RPL23: variants seen among roughly 807,000 people sequenced by gnomAD.
The protein encoded by RPL23 is ribosomal protein L23, also known as large ribosomal subunit protein uL14.
For missense variants in RPL23, 79 were observed against 178.8 expected, an observed-to-expected ratio of 0.44 and a Z score of 3.18; for synonymous variants, 63 against 65.3, an observed-to-expected ratio of 0.97 and a Z score of 0.17.
rs1912906539 is a variant in RPL23 at position 38,848,066 on chromosome 17, GAA to G, written c.*2064_*2065del. ...TGTGTGACAGAGCAAGACTGCCTCA[GAA>G]AAGATAACATTCAAAAACAGCAGCG... On this transcript the variant is annotated 3_prime_UTR_variant, in exon 5 of 5. Coordinates refer to ENST00000479035, the MANE Select transcript of RPL23 (RefSeq NM_000978.4). 1 of 1,534,304 alleles carries G rather than the reference GAA, an allele frequency of 6.5e-7. No homozygotes were observed. Among genetic ancestry groups the G allele is most frequent in the Non-Finnish European group, 8.8e-7 (1 of 1,141,648 alleles).
intron 3 of RPL23, 154 bp from the exon 4 acceptor site, chr17:38,850,629 CTAG>C (rs1309509677): frequency 1.6e-6 from 1 of 608,948 alleles, no homozygotes; most frequent in African/African-American, 1.9e-5. Context: ...CTCAGCCTCT[CTAG>C]TATCTTGGAC....
At chr17:38,850,287 A>G (rs773206444) in intron 4 of RPL23, 73 bp from the exon 5 acceptor site, 1 of 1,550,142 alleles carries the variant, frequency 6.5e-7, no homozygotes, top group Non-Finnish European at 8.9e-7. Flanking sequence ...CAAACACAGA[A>G]GATCCTTGGC....
chr17:38,849,781 T>G lies in RPL23; in HGVS notation c.*351A>C. 1 of 184,532 alleles carries G rather than the reference T, an allele frequency of 5.4e-6. No homozygotes were observed. The highest frequency in any genetic ancestry group is 1.1e-5 in the Non-Finnish European group (1 of 89,300). The allele number at this position is 184,532 out of a possible 1,614,324, so 11.4% of individuals were successfully genotyped here. ...TACAGCAATTGGAAGATGCTGAAAG[T>G]CTGCAAACTCACAAAAAAGCAAGGA... On this transcript the variant is annotated 3_prime_UTR_variant, in exon 5 of 5. Coordinates refer to ENST00000479035, the MANE Select transcript of RPL23 (RefSeq NM_000978.4).
At chr17:38,852,903 C>T (rs1913046082) in intron 2 of RPL23, 119 bp downstream of exon 2, 1 of 1,350,544 alleles carries the variant, frequency 7.4e-7, no homozygotes, top group Non-Finnish European at 1.1e-6. Flanking sequence ...CACATGTTGC[C>T]ACTTCACCCA....
At chr17:38,853,199 A>C (rs1913055415) in intron 1 of RPL23, 94 bp from the exon 2 acceptor site, 1 of 941,786 alleles carries the variant, frequency 1.1e-6, no homozygotes, top group Non-Finnish European at 1.7e-6. Context: ...AATTCACCGC[A>C]CATGCTTTGA....
At position 38,850,402 on chromosome 17, in the gene RPL23, A is replaced by G; in HGVS notation, c.300T>C (p.Asp100=). The change falls in exon 4 of 5, where the codon GAT becomes GAC. Residue 100 remains aspartate (D), a synonymous_variant. Transcript: ENST00000479035. ...TATTGTTCACTATGACTCCTGCATT[A>G]TCTTCAAAATAAAGAAACACGCCAT... The part of the protein sequence containing the change: ...RKDGVFLYFE[D]NAGVIVNNKG... 1.2e-6 allele frequency: 2 copies of G among 1,613,898 alleles called. No homozygotes were observed. Among genetic ancestry groups the G allele is most frequent in the Non-Finnish European group, 8.5e-7 (1 of 1,180,008 alleles).
intron 1 of RPL23, chr17:38,853,467 G>C (rs1223911879): frequency 2.8e-6 from 2 of 720,602 alleles, no homozygotes; most frequent in Admixed American, 2.0e-5. Flanking sequence ...TATTCGCGGA[G>C]CGATCTCGCG....
intron 3 of RPL23, 191 bp downstream of exon 3, chr17:38,852,413 A>T: frequency 1.6e-6 from 1 of 639,364 alleles, no homozygotes; most frequent in Non-Finnish European, 2.6e-6. Flanking sequence ...CAAAAAAACA[A>T]CTAAGGTATG....
In RPL23 at chr17:38,848,532, C is replaced by T. The variant is rs1239175; in HGVS notation, c.*1600G>A. On this transcript the variant is annotated 3_prime_UTR_variant, in exon 5 of 5. Transcript: ENST00000479035. ...ATAGGTGTGAGCCACCGTACCCAGG[C>T]GAGATTTAATACTTCTAAAACCAAG... 32,837 of 153,018 alleles carry T rather than the reference C, an allele frequency of 0.21. 4,011 individuals are homozygous for T. The highest frequency in any genetic ancestry group is 0.31 in the African/African-American group (12,796 of 41,480). The allele number at this position is 153,018 out of a possible 1,614,324, so 9.5% of individuals were successfully genotyped here.
At chr17:38,850,284 A>G in intron 4 of RPL23, 70 bp from the exon 5 acceptor site, 5 of 1,554,036 alleles carry the variant, frequency 3.2e-6, no homozygotes, top group Non-Finnish European at 4.4e-6. Context: ...CGTCAAACAC[A>G]GAAGATCCTT....
rs1226759214 is a variant in RPL23 at position 38,850,040 on chromosome 17, C to T, written c.*92G>A. 3.2e-6 allele frequency: 3 copies of T among 935,834 alleles called. No individual in the cohort carries two copies. Among genetic ancestry groups the T allele is most frequent in the Non-Finnish European group, 4.8e-6 (3 of 625,958 alleles). The allele number at this position is 935,834 out of a possible 1,614,324, so 58.0% of individuals were successfully genotyped here. On this transcript the variant is annotated 3_prime_UTR_variant, in exon 5 of 5. Transcript: ENST00000479035. The stretch of plus-strand genomic sequence containing the variant: ...GGCTGAGGCAGGAGAATCGCTTGAA[C>T]CCTGGAAGTGAACAGGGAGACAAGC...
In RPL23 at chr17:38,849,813, T is replaced by TAA; in HGVS notation, c.*317_*318dup. On this transcript the variant is annotated 3_prime_UTR_variant, in exon 5 of 5. Transcript: ENST00000479035. Reference sequence around the variant, plus strand: ...ACTCACAAAAAAGCAAGGATTGCTTTAAAAAAAAAATGCCCAGAGTTTCCA... The same window carrying TAA: ...ACTCACAAAAAAGCAAGGATTGCTTTAAAAAAAAAAAATGCCCAGAGTTTCCA... 4.8e-6 allele frequency: 1 copy of TAA among 207,118 alleles called. No individual in the cohort carries two copies. The highest frequency in any genetic ancestry group is 2.3e-5 in the African/African-American group (1 of 43,064). The allele number at this position is 207,118 out of a possible 1,614,324, so 12.8% of individuals were successfully genotyped here.
At chr17:38,853,271 C>G in intron 1 of RPL23, 166 bp from the exon 2 acceptor site, 1 of 660,572 alleles carries the variant, frequency 1.5e-6, no homozygotes, top group Non-Finnish European at 2.8e-6. Context: ...ATGTGCCACC[C>G]GATTCTCACG....
Position 38,848,877 on chromosome 17 carries a change from C to G in RPL23, c.*1255G>C, listed in dbSNP as rs1012613386. Reference sequence around the variant, plus strand: ...CAGATACATAAACACAAACCTTAATCTAAAAACCCTGTTTAGTCCACTTCC... The same window carrying G: ...CAGATACATAAACACAAACCTTAATGTAAAAACCCTGTTTAGTCCACTTCC... On this transcript the variant is annotated 3_prime_UTR_variant, in exon 5 of 5. Coordinates refer to ENST00000479035, the MANE Select transcript of RPL23 (RefSeq NM_000978.4). 1 of 152,136 alleles carries G rather than the reference C, an allele frequency of 6.6e-6. No homozygotes were observed. The highest frequency in any genetic ancestry group is 2.4e-5 in the African/African-American group (1 of 41,434). 9.4% of individuals were successfully genotyped at this position (152,136 alleles called of 1,614,324 possible). A position where few individuals can be genotyped will look rare whatever the true frequency, so the allele number is the denominator to read the frequency against.
At chr17:38,852,864 C>A (rs921609918) in intron 2 of RPL23, 132 bp from the exon 3 acceptor site, 1 of 1,406,242 alleles carries the variant, frequency 7.1e-7, no homozygotes, top group Non-Finnish European at 1.0e-6. Context: ...GCAAGAACGC[C>A]TTGTCACACC....
At chr17:38,852,308 T>G in intron 3 of RPL23, 1 of 288,158 alleles carries the variant, frequency 3.5e-6, no homozygotes, top group Non-Finnish European at 6.5e-6. Flanking sequence ...GAGGTTGCAG[T>G]GAGCCAAGAT....
chr17:38,852,875 A>G (rs1243296859), intron 2 of RPL23, 143 bp from the exon 3 acceptor site: 2 of 1,389,324 alleles, frequency 1.4e-6, no homozygotes, highest in Non-Finnish European at 2.0e-6. Context: ...TTGTCACACC[A>G]CCGATTGAAG....
At position 38,849,432 on chromosome 17, in the gene RPL23, A is replaced by G. The variant is rs1317774460; in HGVS notation, c.*700T>C. The stretch of plus-strand genomic sequence containing the variant: ...ATGGTGCAATCTCGACTCGCTGCAA[A>G]CTCCACCTCCCAGGTTCAAGCGATT... On this transcript the variant is annotated 3_prime_UTR_variant, in exon 5 of 5. Coordinates refer to ENST00000479035, the MANE Select transcript of RPL23 (RefSeq NM_000978.4). The G allele has an allele frequency of 4.6e-5, 7 of 151,640 alleles. No individual in the cohort carries two copies. Among genetic ancestry groups the G allele is most frequent in the African/African-American group, 1.5e-4 (6 of 41,226 alleles). The allele number at this position is 151,640 out of a possible 1,614,324, so 9.4% of individuals were successfully genotyped here. A position where few individuals can be genotyped will look rare whatever the true frequency, so the allele number is the denominator to read the frequency against.
At position 38,847,990 on chromosome 17, in the gene RPL23, C is replaced by T. The variant is rs1484320885; in HGVS notation, c.*2142G>A. The T allele has an allele frequency of 2.3e-5, 35 of 1,550,056 alleles. No homozygotes were observed. The highest frequency in any genetic ancestry group is 3.1e-5 in the Non-Finnish European group (35 of 1,146,818). Reference sequence around the variant, plus strand: ...AGGCCACAGCAGGAGGATTCCAAGTCCAGCAGTTCAAAGTTACAGTGAGCT... The same window carrying T: ...AGGCCACAGCAGGAGGATTCCAAGTTCAGCAGTTCAAAGTTACAGTGAGCT... On this transcript the variant is annotated 3_prime_UTR_variant, in exon 5 of 5. Coordinates refer to ENST00000479035, the MANE Select transcript of RPL23 (RefSeq NM_000978.4).
Sources: allele counts gnomAD v4.1 joint callset, GRCh38; gene constraint gnomAD v4.1.1; transcripts MANE v1.5; gene names NCBI Gene and HGNC (gene_info 2026-07-23, HGNC 2026-07-21).